Variants in CACNA1I observed in about 807,000 individuals in gnomAD.
CACNA1I encodes the protein calcium voltage-gated channel subunit alpha1 I.
Under a neutral mutation model 201.6 loss-of-function variants are expected in CACNA1I, and 74 were observed. That is an observed-to-expected ratio of 0.37 (90% CI 0.30 to 0.45). The LOEUF (loss-of-function observed/expected upper bound fraction) is 0.45. Ranked by LOEUF, CACNA1I falls within the 20% of genes least tolerant of loss-of-function variation. The pLI is 1.00. For synonymous variants in CACNA1I, 1,431 were observed against 1,345.2 expected (o/e 1.06, Z -1.40); for missense variants, 2,346 against 3,138.1 (o/e 0.75, Z 6.03).
In CACNA1I at chr22:39,646,754, C is replaced by T. The variant is rs1237494746; in HGVS notation, c.1335C>T (p.Ile445=). The stretch of plus-strand genomic sequence containing the variant: ...AGATCTTCCAGTATGTCTGCCACAT[C>T]CTGCGCAAGGCCAAGCGCCGCGCCC... ...YEEIFQYVCH[I]LRKAKRRALG... The change falls in exon 8 of 37, where the codon ATC becomes ATT. Residue 445 remains isoleucine (I), a synonymous_variant. Coordinates refer to ENST00000402142, the MANE Select transcript of CACNA1I (RefSeq NM_021096.4). The T allele has an allele frequency of 1.3e-6, 2 of 1,595,136 alleles. No homozygotes were observed. Among genetic ancestry groups the T allele is most frequent in the Admixed American group, 1.7e-5 (1 of 57,972 alleles).
chr22:39,677,326 C>G lies in CACNA1I; in HGVS notation c.4855-15C>G, dbSNP rs1197356700. 1 of 1,577,636 alleles carries G rather than the reference C, an allele frequency of 6.3e-7. No homozygotes were observed. The highest frequency in any genetic ancestry group is 2.3e-5 in the East Asian group (1 of 43,836). The stretch of plus-strand genomic sequence containing the variant: ...CGCTCCCCAGCCCCACCCGGCCTCA[C>G]CTGTCCTCCCGCAGGTGGGCAACCT... On this transcript the variant is annotated splice_polypyrimidine_tract_variant and intron_variant, in intron 29 of 36. Coordinates refer to ENST00000402142, the MANE Select transcript of CACNA1I (RefSeq NM_021096.4). This position sits in a 1 kb window ranked among gnomAD's most constrained non-coding sequence, Gnocchi z 4.8.
In CACNA1I at chr22:39,635,249, G is replaced by A. The variant is rs1013726395; in HGVS notation, c.740+525G>A. ...ATGGCGTGCACCGACTAAGTGCCAG[G>A]CCCCAGGGAGTCAGAAATAGGAGAG... On this transcript the variant is annotated intron_variant, in intron 5 of 36. Transcript: ENST00000402142. Among the ~76,000 whole-genome samples the A allele has an allele frequency of 8.5e-5, 13 of 152,296 alleles. No individual in the cohort carries two copies. The East Asian group carries it at 2.5e-3, about 29-fold the overall frequency.
In CACNA1I at chr22:39,686,018, G is replaced by A. The variant is rs1482219490; in HGVS notation, c.6285G>A (p.Pro2095=). 1 of 1,242,760 alleles carries A rather than the reference G, an allele frequency of 8.0e-7. No individual in the cohort carries two copies. Among genetic ancestry groups the A allele is most frequent in the Non-Finnish European group, 1.0e-6 (1 of 998,180 alleles). The allele number at this position is 1,242,760 out of a possible 1,614,324, so 77.0% of individuals were successfully genotyped here. A position where few individuals can be genotyped will look rare whatever the true frequency, so the allele number is the denominator to read the frequency against. ...RSHSSGGSTS[P]GCTHHDSMDP... ...ACAGCAGCGGGGGCTCCACCAGCCC[G>A]GGCTGCACCCACCACGACTCCATGG... Residue 2095 remains proline (P), a synonymous_variant, in exon 37 of 37, where the codon CCG becomes CCA. Transcript: ENST00000402142.
At position 39,677,198 on chromosome 22, in the gene CACNA1I, G is replaced by A. The variant is rs1196367053; in HGVS notation, c.4855-143G>A. The A allele has an allele frequency of 4.9e-6, 3 of 608,560 alleles. No homozygotes were observed. Among genetic ancestry groups the A allele is most frequent in the East Asian group, 2.9e-5 (1 of 33,912 alleles). The allele number at this position is 608,560 out of a possible 1,614,324, so 37.7% of individuals were successfully genotyped here. ...TCCAGGTCCTGTAGGGGTGGCAGAC[G>A]TGGACACACAGCCTGGGGGAATGTT... On this transcript the variant is annotated intron_variant, in intron 29 of 36. Transcript: ENST00000402142. This position sits in a 1 kb window ranked among gnomAD's most constrained non-coding sequence, Gnocchi z 4.8.
At chr22:39,608,321 C>T (rs1196888398) in intron 3 of CACNA1I, among the ~76,000 whole-genome samples, 1 of 151,942 alleles carries the variant, frequency 6.6e-6, no homozygotes, top group Non-Finnish European at 1.5e-5. Context: ...TCTGTGATCA[C>T]CCAGTCCAGT....
chr22:39,625,375 G>T (rs1301040835), intron 4 of CACNA1I, among the ~76,000 whole-genome samples: 2 of 152,210 alleles, frequency 1.3e-5, no homozygotes, highest in African/African-American at 2.4e-5. Flanking sequence ...CAAAGCTCCA[G>T]CATGAACAAC....
intron 28 of CACNA1I, 150 bp from the exon 29 acceptor site, chr22:39,673,813 A>C: frequency 2.9e-6 from 2 of 680,708 alleles, no homozygotes; most frequent in East Asian, 2.8e-5. Flanking sequence ...CTGCACCCAC[A>C]TTCTTGTAAT....
chr22:39,599,592 C>T (rs1932978210), intron 2 of CACNA1I, among the ~76,000 whole-genome samples: 1 of 134,966 alleles, frequency 7.4e-6, no homozygotes, highest in Admixed American at 7.7e-5. Flanking sequence ...GCACTCCAGC[C>T]TGGGCGACAG....
At chr22:39,678,319 C>T (rs1935579487) in intron 31 of CACNA1I, among the ~76,000 whole-genome samples, 1 of 152,236 alleles carries the variant, frequency 6.6e-6, no homozygotes, top group African/African-American at 2.4e-5. Flanking sequence ...CCTCATCCCC[C>T]AGTGTTGCCT....
chr22:39,642,614 C>A (rs766397470), intron 6 of CACNA1I, among the ~76,000 whole-genome samples, 183 bp from the exon 7 acceptor site: 3 of 152,210 alleles, frequency 2.0e-5, no homozygotes, highest in Non-Finnish European at 4.4e-5. Flanking sequence ...TTTCCCCTCA[C>A]TGAGCCTCAG....
chr22:39,668,005 T>A (rs1019081536), intron 23 of CACNA1I, among the ~76,000 whole-genome samples: 1 of 152,112 alleles, frequency 6.6e-6, no homozygotes, highest in Non-Finnish European at 1.5e-5. Flanking sequence ...ATGAATTTTT[T>A]TTTGCCCAAG....
At chr22:39,668,070 A>T (rs949885850) in intron 23 of CACNA1I, among the ~76,000 whole-genome samples, 3 of 152,236 alleles carry the variant, frequency 2.0e-5, no homozygotes, top group Non-Finnish European at 2.9e-5. Context: ...CCGTGGGTCC[A>T]GCACTTTTTC....
chr22:39,686,344 C>A lies in CACNA1I; in HGVS notation c.6611C>A (p.Pro2204Gln). The change falls in exon 37 of 37, where the codon CCG becomes CAG. Residue 2204 changes from proline (P) to glutamine (Q), a missense_variant. Transcript: ENST00000402142. ...ATGGGCCTGGGCCCCTTGGCGCCCC[C>A]GCCGCAACCGCTCCCCGGAGAGCTG... ...LPMGLGPLAPPPQPLPGELEP... is the reference protein window; with the variant it reads ...LPMGLGPLAPQPQPLPGELEP... The A allele has an allele frequency of 3.8e-6, 5 of 1,314,870 alleles. No homozygotes were observed. The highest frequency in any genetic ancestry group is 4.9e-6 in the Non-Finnish European group (5 of 1,030,242). 81.5% of individuals were successfully genotyped at this position (1,314,870 alleles called of 1,614,324 possible).
At position 39,679,319 on chromosome 22, in the gene CACNA1I, T is replaced by C. The variant is rs59305953; in HGVS notation, c.5268T>C (p.His1756=). The C allele has an allele frequency of 9.4e-4, 1,455 of 1,553,152 alleles. 17 individuals are homozygous for C. In the African/African-American group the frequency reaches 0.018, roughly 19 times the overall value. The change falls in exon 32 of 37, where the codon CAT becomes CAC. Residue 1756 remains histidine, a synonymous_variant. Transcript: ENST00000402142. Reference sequence around the variant, plus strand: ...CCGAGCTCGAGCTGGAGATGGCCCATGGCCTGGGCCCTGGCCCGAGGCTGC... The same window carrying C: ...CCGAGCTCGAGCTGGAGATGGCCCACGGCCTGGGCCCTGGCCCGAGGCTGC... The part of the protein sequence containing the change: ...MDAELELEMA[H]GLGPGPRLPT...
Position 39,659,202 on chromosome 22 carries a change from C to A in CACNA1I, c.2330+86C>A. 6.6e-7 allele frequency: 1 copy of A among 1,514,814 alleles called. No homozygotes were observed. The allele number at this position is 1,514,814 out of a possible 1,614,324, so 93.8% of individuals were successfully genotyped here. ...GGGGGATGTGGTCCACTGTGCTTCT[C>A]TGGACAAAGCCACCTGGACCTGGGT... On this transcript the variant is annotated intron_variant, in intron 12 of 36. Transcript: ENST00000402142. The surrounding 1 kb of genome is among the most constrained non-coding windows in gnomAD (Gnocchi z 4.3).
intron 4 of CACNA1I, among the ~76,000 whole-genome samples, chr22:39,627,814 C>T (rs1230326234): frequency 6.6e-6 from 1 of 152,150 alleles, no homozygotes; most frequent in East Asian, 1.9e-4. Context: ...GGGGCTCCCA[C>T]TTCATCCTGA....
chr22:39,631,782 C>T (rs1934071230), intron 4 of CACNA1I, among the ~76,000 whole-genome samples: 1 of 152,186 alleles, frequency 6.6e-6, no homozygotes, highest in African/African-American at 2.4e-5. Context: ...GTGTAACTGG[C>T]CAACCTGTCT....
At position 39,635,469 on chromosome 22, in the gene CACNA1I, G is replaced by T. The variant is rs535413544; in HGVS notation, c.740+745G>T. On this transcript the variant is annotated intron_variant, in intron 5 of 36. Coordinates refer to ENST00000402142, the MANE Select transcript of CACNA1I (RefSeq NM_021096.4). ...ACTGTAGGAAGCGTGGGGACGTGGG[G>T]ACACTGTACAGGTGAGGGCTAGTTT... is the stretch of plus-strand genomic sequence containing the variant. Among the ~76,000 whole-genome samples, 10 of 152,300 alleles carry T rather than the reference G, an allele frequency of 6.6e-5. No homozygotes were observed. The East Asian group carries it at 1.7e-3, about 26-fold the overall frequency.
chr22:39,646,375 C>T (rs527752494), intron 7 of CACNA1I, among the ~76,000 whole-genome samples, 194 bp from the exon 8 acceptor site: 4 of 152,070 alleles, frequency 2.6e-5, no homozygotes, highest in African/African-American at 7.2e-5. Flanking sequence ...TCTGTGTCTC[C>T]GGTTGGTCCC....
Sources: allele counts gnomAD v4.1 joint callset (sites outside exome capture counted in the v4.1 genomes callset), GRCh38; gene constraint gnomAD v4.1.1; non-coding constraint Gnocchi (gnomAD v3.1); transcripts MANE v1.5; gene names NCBI Gene and HGNC (gene_info 2026-07-23, HGNC 2026-07-21).